The following ZNF438 variants were observed in gnomAD, a reference collection of about 807,000 sequenced individuals.
ZNF438 encodes zinc finger protein 438.
ZNF438 carries 25 observed loss-of-function variants against 38.0 expected under a neutral mutation model. That is an observed-to-expected ratio of 0.66 (90% CI 0.48 to 0.92). The LOEUF is 0.92. Ranked by LOEUF, ZNF438 falls within the 40% of genes least tolerant of loss-of-function variation. ZNF438 has a pLI of 0.00. For missense variants in ZNF438, 1,007 were observed against 999.6 expected (o/e 1.01, Z -0.10); for synonymous variants, 372 against 364.1 (o/e 1.02, Z -0.25).
chr10:30,945,712 TC>T (rs2047328274), intron 1 of ZNF438, among the ~76,000 whole-genome samples: 1 of 133,670 alleles, frequency 7.5e-6, no homozygotes, highest in Admixed American at 7.9e-5. Context: ...TTCATCCATG[TC>T]CCTACAAAGG....
rs549288474 is a variant in ZNF438 at position 30,959,555 on chromosome 10, G to A, written c.-191-17904C>T. On this transcript the variant is annotated intron_variant, in intron 1 of 5. Coordinates refer to ENST00000413025, the Ensembl canonical transcript of ZNF438. Reference sequence around the variant, plus strand: ...AGATTGAGACCATCCTGGCTAACACGGTGAAACCCCGTCTCTACTAAAAAT... The same window carrying A: ...AGATTGAGACCATCCTGGCTAACACAGTGAAACCCCGTCTCTACTAAAAAT... Among the ~76,000 whole-genome samples the A allele has an allele frequency of 2.9e-5, 4 of 138,794 alleles. 1 individual carries two copies. The highest frequency in any genetic ancestry group is 4.8e-4 in the South Asian group (2 of 4,202). 91.1% of individuals were successfully genotyped at this position (138,794 alleles called of 152,430 possible). A position where few individuals can be genotyped will look rare whatever the true frequency, so the allele number is the denominator to read the frequency against.
chr10:30,913,002 C>A (rs1047703882), intron 2 of ZNF438, among the ~76,000 whole-genome samples: 23 of 152,036 alleles, frequency 1.5e-4, no homozygotes, highest in African/African-American at 5.1e-4. Flanking sequence ...AGGATTAAAT[C>A]TGTTATCTTT....
At chr10:30,849,924 G>T (rs2033236337) in exon 5 of ZNF438, 2 of 1,614,066 alleles carry the variant, frequency 1.2e-6, no homozygotes, top group Non-Finnish European at 1.7e-6. Flanking sequence ...GGTGGGGAAG[G>T]GGACATCTGA....
intron 1 of ZNF438, among the ~76,000 whole-genome samples, chr10:31,012,403 A>G (rs1004159164): frequency 5.3e-5 from 8 of 152,070 alleles, no homozygotes; most frequent in Admixed American, 3.9e-4. Flanking sequence ...GATTACAGGC[A>G]TGAGCCACAG....
intron 1 of ZNF438, among the ~76,000 whole-genome samples, chr10:31,009,967 G>C (rs1292860460): frequency 1.3e-5 from 2 of 150,228 alleles, no homozygotes; most frequent in African/African-American, 4.9e-5. Context: ...TCCTGCCTCA[G>C]CCTCCTGAGT....
In ZNF438 at chr10:30,941,371, C is replaced by T. The variant is rs367584637; in HGVS notation, c.-115+204G>A. On this transcript the variant is annotated intron_variant, in intron 2 of 5. Coordinates refer to ENST00000413025, the Ensembl canonical transcript of ZNF438. The stretch of plus-strand genomic sequence containing the variant: ...ACAGGCATGAGCCACCATGCCTGGC[C>T]AGAACATTTTATTTTTATAAGCATG... Among the ~76,000 whole-genome samples the T allele has an allele frequency of 3.3e-5, 5 of 152,236 alleles. No homozygotes were observed. In the East Asian group the frequency reaches 9.6e-4, roughly 29 times the overall value.
At chr10:30,984,729 T>TA (rs2052583301) in intron 1 of ZNF438, among the ~76,000 whole-genome samples, 1 of 152,244 alleles carries the variant, frequency 6.6e-6, no homozygotes, top group Non-Finnish European at 1.5e-5. Flanking sequence ...TCCATGTGCA[T>TA]AATACTGTGG....
intron 1 of ZNF438, among the ~76,000 whole-genome samples, chr10:30,983,680 T>C (rs1211080696): frequency 6.6e-6 from 1 of 152,224 alleles, no homozygotes; most frequent in Non-Finnish European, 1.5e-5. Context: ...TAGCCATGTA[T>C]TTCCTTGAAT....
chr10:30,915,002 C>CT (rs1301624961), intron 2 of ZNF438, among the ~76,000 whole-genome samples: 1 of 151,860 alleles, frequency 6.6e-6, no homozygotes, highest in Admixed American at 6.6e-5. Flanking sequence ...GGCAGCTGGT[C>CT]TTTTTTAAAA....
At chr10:30,956,046 C>T (rs999009648) in intron 1 of ZNF438, among the ~76,000 whole-genome samples, 5 of 152,266 alleles carry the variant, frequency 3.3e-5, no homozygotes, top group East Asian at 3.9e-4. Context: ...TAACCATTTT[C>T]GTCTTACTAA....
At chr10:30,866,452 T>C (rs750178270) in intron 4 of ZNF438, among the ~76,000 whole-genome samples, 3 of 152,216 alleles carry the variant, frequency 2.0e-5, no homozygotes, top group Admixed American at 6.5e-5. Flanking sequence ...ATAAAAGTCA[T>C]TTTCTTTCAA....
At chr10:30,953,661 C>G (rs1352459787) in intron 1 of ZNF438, among the ~76,000 whole-genome samples, 1 of 98,576 alleles carries the variant, frequency 1.0e-5, no homozygotes, top group Non-Finnish European at 1.9e-5. Context: ...CATACACACA[C>G]ACACACACAA....
chr10:30,955,413 G>C (rs1348037777), intron 1 of ZNF438, among the ~76,000 whole-genome samples: 2 of 152,186 alleles, frequency 1.3e-5, no homozygotes, highest in African/African-American at 4.8e-5. Context: ...GAATATAGTG[G>C]AAGTGATATG....
intron 1 of ZNF438, among the ~76,000 whole-genome samples, chr10:31,000,290 C>A (rs1304393103): frequency 6.6e-6 from 1 of 152,206 alleles, no homozygotes; most frequent in East Asian, 1.9e-4. Context: ...GTTATCTCGT[C>A]CTTGTTAATT....
chr10:30,978,428 T>A (rs1346618068), intron 1 of ZNF438, among the ~76,000 whole-genome samples: 1 of 152,192 alleles, frequency 6.6e-6, no homozygotes, highest in Non-Finnish European at 1.5e-5. Context: ...CTTTCAAAAT[T>A]TGTGTACCAG....
At chr10:31,014,043 AT>A (rs1228475373) in intron 1 of ZNF438, among the ~76,000 whole-genome samples, 1 of 152,188 alleles carries the variant, frequency 6.6e-6, no homozygotes, top group African/African-American at 2.4e-5. Flanking sequence ...TATCAATTTA[AT>A]AATGATATCC....
chr10:30,951,621 C>T (rs1460935661), intron 1 of ZNF438, among the ~76,000 whole-genome samples: 5 of 152,024 alleles, frequency 3.3e-5, no homozygotes, highest in Non-Finnish European at 7.4e-5. Context: ...AAACAGAGAG[C>T]CAAATCATGA....
intron 5 of ZNF438, among the ~76,000 whole-genome samples, chr10:30,847,135 G>C (rs373341862): frequency 6.6e-6 from 1 of 152,208 alleles, no homozygotes; most frequent in East Asian, 1.9e-4. Context: ...CAGAAAAGGG[G>C]AGGTCCCCGG....
chr10:30,924,317 T>A (rs2044662111), intron 2 of ZNF438, among the ~76,000 whole-genome samples: 1 of 152,032 alleles, frequency 6.6e-6, no homozygotes. Flanking sequence ...CTAAAATCCA[T>A]CTCCCTGACC....
Sources: allele counts gnomAD v4.1 joint callset (sites outside exome capture counted in the v4.1 genomes callset), GRCh38; gene constraint gnomAD v4.1.1; transcripts MANE v1.5; gene names NCBI Gene and HGNC (gene_info 2026-07-23, HGNC 2026-07-21).